The following DYNLL1 variants were observed in gnomAD, a reference collection of about 807,000 sequenced individuals.
DYNLL1 encodes dynein light chain LC8-type 1, also known as dynein light chain 1, cytoplasmic.
A neutral mutation model predicts 10.1 loss-of-function variants in DYNLL1; 3 were observed. That is an observed-to-expected ratio of 0.30 (90% confidence interval 0.14 to 0.77). DYNLL1 has a LOEUF of 0.77. DYNLL1 is among the 30% of genes least tolerant of loss of function. The pLI is 0.66. For synonymous variants in DYNLL1, 46 were observed against 41.2 expected (o/e 1.12, Z -0.45); for missense variants, 47 against 111.7 (o/e 0.42, Z 2.61).
upstream of DYNLL1, chr12:120,492,027 C>G (rs1342184900): frequency 6.6e-6 from 1 of 152,146 alleles, no homozygotes; most frequent in Non-Finnish European, 1.5e-5. This position sits in a 1 kb window ranked among gnomAD's most constrained non-coding sequence, Gnocchi z 4.1. Flanking sequence ...TAGAGTCAGA[C>G]CAGGATTCAC....
chr12:120,473,501 C>A (rs1466064290), intron 1 of DYNLL1, among the ~76,000 whole-genome samples: 1 of 151,654 alleles, frequency 6.6e-6, no homozygotes, highest in Non-Finnish European at 1.5e-5. Context: ...TCGAGACCAG[C>A]CTGGTCAACA....
At chr12:120,483,057 A>G (rs887138507) in intron 1 of DYNLL1, among the ~76,000 whole-genome samples, 1 of 151,910 alleles carries the variant, frequency 6.6e-6, no homozygotes, top group African/African-American at 2.4e-5. Context: ...AGAAAAAAAA[A>G]GGCCAGGCAC....
At chr12:120,475,455 G>C (rs1369275400) in intron 1 of DYNLL1, among the ~76,000 whole-genome samples, 1 of 152,180 alleles carries the variant, frequency 6.6e-6, no homozygotes, top group Non-Finnish European at 1.5e-5. Context: ...CCCTGATCCT[G>C]CAAAGTTGTA....
At chr12:120,485,575 C>T (rs1480185380) in intron 1 of DYNLL1, among the ~76,000 whole-genome samples, 1 of 151,994 alleles carries the variant, frequency 6.6e-6, no homozygotes, top group Non-Finnish European at 1.5e-5. Context: ...TTCAGTGGCT[C>T]ATGCCTATAA....
At chr12:120,476,763 C>T (rs190566297) in intron 1 of DYNLL1, among the ~76,000 whole-genome samples, 25 of 152,066 alleles carry the variant, frequency 1.6e-4, no homozygotes, top group African/African-American at 6.0e-4. Context: ...AGGCATGCAC[C>T]ACCACACCTG....
Position 120,498,329 on chromosome 12 carries a change from C to A in DYNLL1, c.*119C>A, listed in dbSNP as rs1364329178. 1.5e-6 allele frequency: 2 copies of A among 1,329,196 alleles called. No homozygotes were observed. Among genetic ancestry groups the A allele is most frequent in the Non-Finnish European group, 2.0e-6 (2 of 988,830 alleles). 82.3% of individuals were successfully genotyped at this position (1,329,196 alleles called of 1,614,324 possible). ...CTAAGGGAACATCTCGATGTTTGAA[C>A]CTTTGTTGTGTTTTGTACAGGGCAT... On this transcript the variant is annotated 3_prime_UTR_variant, in exon 3 of 3. Coordinates refer to ENST00000242577, the MANE Select transcript of DYNLL1 (RefSeq NM_003746.3).
Position 120,496,567 on chromosome 12 carries a change from C to CG in DYNLL1, c.132+19dup. The CG allele has an allele frequency of 6.2e-7, 1 of 1,613,458 alleles. No individual in the cohort carries two copies. Among genetic ancestry groups the CG allele is most frequent in the Non-Finnish European group, 8.5e-7 (1 of 1,179,850 alleles). ...CATATCAAGAAGGTGAGGATGGGCG[C>CG]GGGGGCCGATACGCAGCCGGGAGCA... On this transcript the variant is annotated intron_variant, in intron 2 of 2. Coordinates refer to ENST00000242577, the MANE Select transcript of DYNLL1 (RefSeq NM_003746.3).
chr12:120,479,471 T>A (rs7313042), intron 1 of DYNLL1, among the ~76,000 whole-genome samples: 15,460 of 87,726 alleles, frequency 0.18, 1,399 homozygotes, highest in African/African-American at 0.29. Context: ...AAAAAAAAAA[T>A]AATAATAATA....
intron 1 of DYNLL1, among the ~76,000 whole-genome samples, chr12:120,475,283 T>A (rs188980087): frequency 9.1e-4 from 139 of 152,340 alleles, no homozygotes; most frequent in Admixed American, 1.4e-3. Context: ...GTGAACATAC[T>A]GTATTTGTAG....
chr12:120,485,839 TA>T lies in DYNLL1; in HGVS notation c.-6-10554del, dbSNP rs749971979. Reference sequence around the variant, plus strand: ...CTATTTGACAGAGTAAGTCCCTGTCTAAAAAAAAAAAAAAAAAAAAAAAGAT... The same window carrying T: ...CTATTTGACAGAGTAAGTCCCTGTCTAAAAAAAAAAAAAAAAAAAAAAGAT... On this transcript the variant is annotated intron_variant, in intron 1 of 2. Coordinates refer to the DYNLL1 transcript ENST00000392509. 7.2e-3 allele frequency among the ~76,000 whole-genome samples: 547 copies of T among 76,240 alleles called. 4 individuals are homozygous for T. Among genetic ancestry groups the T allele is most frequent in the African/African-American group, 0.025 (458 of 18,460 alleles). 50.0% of individuals were successfully genotyped at this position (76,240 alleles called of 152,430 possible).
At chr12:120,477,586 CAAAAAAAATAAATAAATA>C (rs1565920396) in intron 1 of DYNLL1, among the ~76,000 whole-genome samples, 5 of 150,730 alleles carry the variant, frequency 3.3e-5, no homozygotes, top group African/African-American at 1.2e-4. Context: ...CCCGTCTCTA[CAAAAAAAATAAATAAATA>C]AAAATAAATA....
chr12:120,493,740 T>C (rs1367704090), upstream of DYNLL1: 3 of 150,204 alleles, frequency 2.0e-5, no homozygotes, highest in Non-Finnish European at 3.0e-5. Context: ...GCCTCCCAAC[T>C]AGCTGGGACT....
chr12:120,475,950 A>T (rs1286671344), intron 1 of DYNLL1, among the ~76,000 whole-genome samples: 1 of 152,202 alleles, frequency 6.6e-6, no homozygotes, highest in Non-Finnish European at 1.5e-5. Context: ...ATGGCAAATG[A>T]GCTCATCAGG....
chr12:120,470,727 G>A (rs1207445858), intron 1 of DYNLL1, among the ~76,000 whole-genome samples: 1 of 151,530 alleles, frequency 6.6e-6, no homozygotes, highest in Non-Finnish European at 1.5e-5. Flanking sequence ...TGAGCCCGGC[G>A]CCCGGCTGGA....
intron 1 of DYNLL1, among the ~76,000 whole-genome samples, chr12:120,470,826 C>G (rs1878632008): frequency 6.6e-6 from 1 of 152,118 alleles, no homozygotes; most frequent in Non-Finnish European, 1.5e-5. Flanking sequence ...GGGAGGATCA[C>G]TTGAGGTCAG....
chr12:120,496,132 T>C lies in DYNLL1; in HGVS notation c.-91T>C, dbSNP rs1868376696. ...CTGCTTAGATGCGCCACGGTTTCGG[T>C]AGCGACGGTATCTCTAGCCGGGCCT... On this transcript the variant is annotated 5_prime_UTR_variant, in exon 1 of 3. Coordinates refer to ENST00000242577, the MANE Select transcript of DYNLL1 (RefSeq NM_003746.3). 1.9e-6 allele frequency: 1 copy of C among 513,950 alleles called. No individual in the cohort carries two copies. The highest frequency in any genetic ancestry group is 3.5e-5 in the Admixed American group (1 of 28,554). 31.8% of individuals were successfully genotyped at this position (513,950 alleles called of 1,614,324 possible).
intron 2 of DYNLL1, 158 bp downstream of exon 2, chr12:120,496,711 G>A (rs1868425597): frequency 8.6e-7 from 1 of 1,164,046 alleles, no homozygotes. Flanking sequence ...TTGCGCTCCT[G>A]TGGAGAAGAC....
intron 1 of DYNLL1, among the ~76,000 whole-genome samples, chr12:120,480,359 T>C (rs1263544595): frequency 6.6e-6 from 1 of 152,202 alleles, no homozygotes; most frequent in Non-Finnish European, 1.5e-5. Flanking sequence ...GTGTGTACTG[T>C]GCTAGATGCT....
chr12:120,485,677 T>TA (rs1475989421), intron 1 of DYNLL1, among the ~76,000 whole-genome samples: 1 of 151,612 alleles, frequency 6.6e-6, no homozygotes, highest in African/African-American at 2.4e-5. Context: ...TCATTTTTAT[T>TA]AAAAATCAAA....
Sources: gnomAD v4.1 joint callset for allele counts (sites outside exome capture counted in the v4.1 genomes callset) on GRCh38, gnomAD v4.1.1 for gene constraint, Gnocchi (gnomAD v3.1) non-coding constraint, MANE v1.5 for transcripts, NCBI Gene and HGNC (gene_info 2026-07-23, HGNC 2026-07-21) for gene names.